The following TRIM71 variants were observed in gnomAD, a reference collection of about 807,000 sequenced individuals.
TRIM71 encodes the protein tripartite motif containing 71.
A neutral mutation model predicts 61.2 loss-of-function variants in TRIM71; 9 were observed. The observed-to-expected ratio is 0.15, with a 90% CI of 0.09 to 0.26. The LOEUF is 0.26. Ranked by LOEUF, TRIM71 falls within the 10% of genes least tolerant of loss-of-function variation. The probability of loss-of-function intolerance (pLI) is 1.00; values close to 1 mark genes in which losing one functional copy is unlikely to be tolerated. For missense variants in TRIM71, 998 were observed against 1,238.7 expected, an observed-to-expected ratio of 0.81 and a Z score of 2.92; for synonymous variants, 645 against 553.2, an observed-to-expected ratio of 1.17 and a Z score of -2.33.
intron 1 of TRIM71, among the ~76,000 whole-genome samples, chr3:32,862,644 GT>G (rs1253212582): frequency 6.6e-6 from 1 of 152,330 alleles, no homozygotes; most frequent in African/African-American, 2.4e-5. Flanking sequence ...TGGAAAACTT[GT>G]GTGTCTACGT....
At chr3:32,826,391 T>C (rs1345101066) in intron 1 of TRIM71, among the ~76,000 whole-genome samples, 1 of 152,062 alleles carries the variant, frequency 6.6e-6, no homozygotes, top group Non-Finnish European at 1.5e-5. Context: ...TGGGCCAGGA[T>C]CATGCTATTG....
rs537579746 is a variant in TRIM71, at chr3:32,825,469, C to G, written c.852+6537C>G. Among the ~76,000 whole-genome samples the G allele has an allele frequency of 5.3e-5, 8 of 152,154 alleles. No individual in the cohort carries two copies. The East Asian group carries it at 1.6e-3, about 30-fold the overall frequency. Reference sequence around the variant, plus strand: ...TGGTTTGCCATTTCTCCATCCAGTTCTCTACACAGGGCAAGGTTTATTTTG... The same window carrying G: ...TGGTTTGCCATTTCTCCATCCAGTTGTCTACACAGGGCAAGGTTTATTTTG... On this transcript the variant is annotated intron_variant, in intron 1 of 3. Coordinates refer to ENST00000383763, the MANE Select transcript of TRIM71 (RefSeq NM_001039111.3).
chr3:32,819,123 G>A (rs1696099172), intron 1 of TRIM71, among the ~76,000 whole-genome samples, 191 bp downstream of exon 1: 1 of 152,222 alleles, frequency 6.6e-6, no homozygotes, highest in Non-Finnish European at 1.5e-5. Flanking sequence ...TGGATTCTGT[G>A]TACGTGTCGC....
In TRIM71 at chr3:32,818,865, G is replaced by C. The variant is rs769421964; in HGVS notation, c.785G>C (p.Gly262Ala). ...QQLGLGPPFP[G>A]PPFSILSVFP... ...CTCGGGCTCGGGCCGCCCTTTCCCG[G>C]CCCGCCCTTCTCCATCCTCTCAGTG... is the stretch of plus-strand genomic sequence containing the variant. The change falls in exon 1 of 4, where the codon GGC becomes GCC. Residue 262 changes from glycine to alanine, a missense_variant. Gly to Ala is a moderately conservative substitution (Grantham distance 60). Coordinates refer to ENST00000383763, the MANE Select transcript of TRIM71 (RefSeq NM_001039111.3). The C allele has an allele frequency of 2.6e-5, 42 of 1,612,300 alleles. No homozygotes were observed. Among genetic ancestry groups the C allele is most frequent in the Non-Finnish European group, 3.2e-5 (38 of 1,179,786 alleles).
At chr3:32,842,258 T>A (rs956140035) in intron 1 of TRIM71, among the ~76,000 whole-genome samples, 2 of 152,226 alleles carry the variant, frequency 1.3e-5, no homozygotes, top group Non-Finnish European at 2.9e-5. Flanking sequence ...CATTTTGCTT[T>A]GACTCCCAGG....
At chr3:32,869,537 ACGTGCATTTGCATGTGCACACATG>A (rs1696774299) in intron 1 of TRIM71, among the ~76,000 whole-genome samples, 1 of 152,262 alleles carries the variant, frequency 6.6e-6, no homozygotes, top group South Asian at 2.1e-4. Flanking sequence ...GCCTGGGTGC[ACGTGCATTTGCATGTGCACACATG>A]CGTGCACACA....
At chr3:32,859,645 T>C (rs757521714) in intron 1 of TRIM71, among the ~76,000 whole-genome samples, 1 of 152,186 alleles carries the variant, frequency 6.6e-6, no homozygotes, top group Non-Finnish European at 1.5e-5. Flanking sequence ...TTGTATCTTA[T>C]TACCATTTAG....
At chr3:32,858,153 G>T (rs1351860528) in intron 1 of TRIM71, among the ~76,000 whole-genome samples, 1 of 152,080 alleles carries the variant, frequency 6.6e-6, no homozygotes, top group Non-Finnish European at 1.5e-5. Context: ...TGTATAAGTG[G>T]ACCCTTGTGT....
intron 1 of TRIM71, among the ~76,000 whole-genome samples, chr3:32,839,721 A>G (rs1449450777): frequency 6.6e-6 from 1 of 151,602 alleles, no homozygotes; most frequent in Non-Finnish European, 1.5e-5. Context: ...AGCAGGGTTC[A>G]GAATTGGTTT....
At position 32,893,135 on chromosome 3, in the gene TRIM71, G is replaced by A. The variant is rs531097214; in HGVS notation, c.*1324G>A. On this transcript the variant is annotated 3_prime_UTR_variant, in exon 4 of 4. Coordinates refer to ENST00000383763, the MANE Select transcript of TRIM71 (RefSeq NM_001039111.3). ...CCTCTGCTTGGGTCACTTTTTATAG[G>A]ATTGTTTGCACCCAGGCCATGCTTT... 1 of 151,984 alleles carries A rather than the reference G, an allele frequency of 6.6e-6. No homozygotes were observed. The highest frequency in any genetic ancestry group is 1.9e-4 in the East Asian group (1 of 5,182). The allele number at this position is 151,984 out of a possible 1,614,324, so 9.4% of individuals were successfully genotyped here.
intron 2 of TRIM71, among the ~76,000 whole-genome samples, chr3:32,884,113 T>C (rs1696935831): frequency 6.6e-6 from 1 of 152,088 alleles, no homozygotes; most frequent in Admixed American, 6.5e-5. Context: ...GGTGTGCTTT[T>C]TTGTTTTGTT....
At chr3:32,881,398 A>G (rs532166899) in intron 2 of TRIM71, among the ~76,000 whole-genome samples, 32 of 152,296 alleles carry the variant, frequency 2.1e-4, no homozygotes, top group Non-Finnish European at 3.1e-4. Flanking sequence ...TGATGATTGC[A>G]TTCTCTTACC....
intron 1 of TRIM71, among the ~76,000 whole-genome samples, chr3:32,860,051 G>A (rs1696648550): frequency 6.6e-6 from 1 of 151,604 alleles, no homozygotes; most frequent in Admixed American, 6.6e-5. Context: ...ACCCTTTGTT[G>A]TGCTTTCTCT....
chr3:32,876,790 T>C (rs966630104), intron 2 of TRIM71, among the ~76,000 whole-genome samples: 10 of 152,294 alleles, frequency 6.6e-5, no homozygotes, highest in African/African-American at 2.2e-4. Flanking sequence ...TGGAGGCTTA[T>C]TAAGGAGAGC....
rs184150344 is a variant in TRIM71, at chr3:32,840,086, C to T, written c.852+21154C>T. On this transcript the variant is annotated intron_variant, in intron 1 of 3. Coordinates refer to ENST00000383763, the MANE Select transcript of TRIM71 (RefSeq NM_001039111.3). Reference sequence around the variant, plus strand: ...TAAGTCTGCCTCAAAATGTCTTTCCCAAGGCCTCTGCAAGCCTCCTCCAAA... The same window carrying T: ...TAAGTCTGCCTCAAAATGTCTTTCCTAAGGCCTCTGCAAGCCTCCTCCAAA... Among the ~76,000 whole-genome samples, 8 of 152,254 alleles carry T rather than the reference C, an allele frequency of 5.3e-5. No homozygotes were observed. The East Asian group carries it at 1.2e-3, about 22-fold the overall frequency.
chr3:32,858,340 C>T (rs2125684150), intron 1 of TRIM71, among the ~76,000 whole-genome samples: 1 of 152,326 alleles, frequency 6.6e-6, no homozygotes, highest in Admixed American at 6.5e-5. Context: ...GACGGTCGAA[C>T]AGCTCTGGGA....
In TRIM71 at chr3:32,891,663, T is replaced by C; in HGVS notation, c.2459T>C (p.Met820Thr). 6.2e-7 allele frequency: 1 copy of C among 1,613,958 alleles called. No individual in the cohort carries two copies. Among genetic ancestry groups the C allele is most frequent in the East Asian group, 2.2e-5 (1 of 44,874 alleles). ...GATTCCAGGAACCATCGGGTACAGA[T>C]GTTTGAATCCAACGGCAGCTTCCTG... is the stretch of plus-strand genomic sequence containing the variant. ...VADSRNHRVQ[M>T]FESNGSFLCK... The change falls in exon 4 of 4, where the codon ATG becomes ACG. Residue 820 changes from methionine (M) to threonine (T), a missense_variant. Met to Thr is a moderately conservative substitution (Grantham distance 81, BLOSUM62 -1). Transcript: ENST00000383763. This position sits in a 1 kb window ranked among gnomAD's most constrained non-coding sequence, Gnocchi z 8.2.
chr3:32,891,996 A>AT lies in TRIM71; in HGVS notation c.*192dup, dbSNP rs951300671. ...ATTGCTTAAGTCCTACCTCATCTTTATTTTTTTACAGATGAATGTACTTAT... is the reference window on the plus strand; with the variant it reads ...ATTGCTTAAGTCCTACCTCATCTTTATTTTTTTTACAGATGAATGTACTTAT... On this transcript the variant is annotated 3_prime_UTR_variant, in exon 4 of 4. Coordinates refer to ENST00000383763, the MANE Select transcript of TRIM71 (RefSeq NM_001039111.3). This position sits in a 1 kb window ranked among gnomAD's most constrained non-coding sequence, Gnocchi z 8.2. 31 of 793,046 alleles carry AT rather than the reference A, an allele frequency of 3.9e-5. No homozygotes were observed. The highest frequency in any genetic ancestry group is 1.8e-4 in the African/African-American group (10 of 54,710). 49.1% of individuals were successfully genotyped at this position (793,046 alleles called of 1,614,324 possible).
intron 1 of TRIM71, among the ~76,000 whole-genome samples, chr3:32,870,756 G>A (rs554170753): frequency 3.9e-5 from 6 of 152,118 alleles, no homozygotes; most frequent in Non-Finnish European, 8.8e-5. Context: ...ATTCTTTATA[G>A]TTACATAGTT....
Sources: gnomAD v4.1 joint callset for allele counts (sites outside exome capture counted in the v4.1 genomes callset) on GRCh38, gnomAD v4.1.1 for gene constraint, Gnocchi (gnomAD v3.1) non-coding constraint, MANE v1.5 for transcripts, NCBI Gene and HGNC (gene_info 2026-07-23, HGNC 2026-07-21) for gene names.